Variants in PLPPR3 observed in about 807,000 individuals in gnomAD.
The protein encoded by PLPPR3 is phospholipid phosphatase-related protein type 3.
In PLPPR3, 14 loss-of-function variants were observed where a neutral mutation model predicts 27.3. The ratio of observed to expected loss-of-function variants is 0.51; its 90% CI spans 0.34 to 0.80. PLPPR3 has a LOEUF of 0.80. Ranked by LOEUF, PLPPR3 falls within the 30% of genes least tolerant of loss-of-function variation. The pLI, the probability that PLPPR3 is intolerant of heterozygous loss-of-function variation, is 0.01. For synonymous variants in PLPPR3, 671 were observed against 508.0 expected (o/e 1.32, Z -4.32); for missense variants, 1,287 against 1,056.9 (o/e 1.22, Z -3.02).
rs1265891077 is a variant in PLPPR3, at chr19:812,559, G to A, written c.*11C>T. The A allele has an allele frequency of 2.1e-5, 8 of 383,940 alleles. No individual in the cohort carries two copies. Among genetic ancestry groups the A allele is most frequent in the Admixed American group, 6.9e-5 (1 of 14,466 alleles). The allele number at this position is 383,940 out of a possible 1,614,324, so 23.8% of individuals were successfully genotyped here. A position where few individuals can be genotyped will look rare whatever the true frequency, so the allele number is the denominator to read the frequency against. Reference sequence around the variant, plus strand: ...TCGGCCCGCCCCCCGCCCGCCCCCGGCCCCGCCGCGCTAGTCGGGGAAGCG... The same window carrying A: ...TCGGCCCGCCCCCCGCCCGCCCCCGACCCCGCCGCGCTAGTCGGGGAAGCG... On this transcript the variant is annotated 3_prime_UTR_variant, in exon 8 of 8. Coordinates refer to ENST00000520876, the MANE Select transcript of PLPPR3 (RefSeq NM_001270366.2).
Position 821,496 on chromosome 19 carries a change from A to C in PLPPR3, c.64T>G (p.Tyr22Asp). 5.3e-6 allele frequency: 8 copies of C among 1,513,342 alleles called. No homozygotes were observed. Among genetic ancestry groups the C allele is most frequent in the Non-Finnish European group, 5.3e-6 (6 of 1,129,810 alleles). The allele number at this position is 1,513,342 out of a possible 1,614,324, so 93.7% of individuals were successfully genotyped here. A position where few individuals can be genotyped will look rare whatever the true frequency, so the allele number is the denominator to read the frequency against. Residue 22 changes from tyrosine (Y) to aspartate (D), a missense_variant, in exon 2 of 8, where the codon TAC (tyrosine) becomes GAC (aspartate). Coordinates refer to ENST00000520876, the MANE Select transcript of PLPPR3 (RefSeq NM_001270366.2). ...CGACCCCCACCCACCTCCACGAAGT[A>C]GAAGCAGGGCAGAAGCGTCATGCTG... ...KDSMTLLPCFYFVELPIVASS... is the reference protein window; with the variant it reads ...KDSMTLLPCFDFVELPIVASS...
intron 2 of PLPPR3, among the ~76,000 whole-genome samples, chr19:819,296 T>TTTTTTC (rs928213781): frequency 3.7e-5 from 5 of 136,000 alleles, no homozygotes; most frequent in African/African-American, 1.2e-4. Flanking sequence ...TTTTTTTTTT[T>TTTTTTC]CCGAGATGGA....
chr19:822,678 C>T (rs981342174), upstream of PLPPR3, among the ~76,000 whole-genome samples: 4 of 152,210 alleles, frequency 2.6e-5, no homozygotes, highest in South Asian at 2.1e-4. Context: ...CGGGCAGTGC[C>T]TGCTGTCTGC....
chr19:813,549 A>C lies in PLPPR3; in HGVS notation c.1178T>G (p.Met393Arg), dbSNP rs1167498838. ...PSLDDPARRH[M>R]TIHVPLDASR... Reference sequence around the variant, plus strand: ...GGCGTCCAGCGGCACGTGGATGGTCATGTGGCGGCGCGCGGGGTCGTCCAG... The same window carrying C: ...GGCGTCCAGCGGCACGTGGATGGTCCTGTGGCGGCGCGCGGGGTCGTCCAG... The change falls in exon 8 of 8, where the codon ATG becomes AGG. Residue 393 changes from methionine (M) to arginine (R), a missense_variant. Met to Arg is a moderately conservative substitution (Grantham distance 91). Coordinates refer to ENST00000520876, the MANE Select transcript of PLPPR3 (RefSeq NM_001270366.2). The surrounding 1 kb of genome is among the most constrained non-coding windows in gnomAD (Gnocchi z 4.1). 9.0e-6 allele frequency: 14 copies of C among 1,561,680 alleles called. No individual in the cohort carries two copies. The highest frequency in any genetic ancestry group is 1.2e-5 in the Non-Finnish European group (14 of 1,155,152).
At chr19:823,695 G>T (rs920617840), upstream of PLPPR3, among the ~76,000 whole-genome samples, 2 of 152,208 alleles carry the variant, frequency 1.3e-5, no homozygotes, top group Non-Finnish European at 2.9e-5. Flanking sequence ...TGGCCCCCCG[G>T]TTCCTGCAGG....
Position 813,228 on chromosome 19 carries a change from C to G in PLPPR3, c.1499G>C (p.Gly500Ala), listed in dbSNP as rs753244107. 1.0e-5 allele frequency: 15 copies of G among 1,486,680 alleles called. No homozygotes were observed. In the South Asian group the frequency reaches 1.9e-4, roughly 19 times the overall value. The allele number at this position is 1,486,680 out of a possible 1,614,324, so 92.1% of individuals were successfully genotyped here. ...GGACAGGCCGGCCCCCGTCTGCGCG[C>G]CCTCCTCCGGGATGTGCACCAGCGG... ...PPPLVHIPEE[G>A]AQTGAGLSPK... The change falls in exon 8 of 8, where the codon GGC becomes GCC. Residue 500 changes from glycine (G) to alanine (A), a missense_variant. Coordinates refer to ENST00000520876, the MANE Select transcript of PLPPR3 (RefSeq NM_001270366.2). This position sits in a 1 kb window ranked among gnomAD's most constrained non-coding sequence, Gnocchi z 4.1.
intron 2 of PLPPR3, among the ~76,000 whole-genome samples, chr19:821,120 G>A (rs1200353846): frequency 1.3e-5 from 2 of 152,092 alleles, no homozygotes; most frequent in Non-Finnish European, 2.9e-5. Context: ...CTCAGACCCT[G>A]AGGCTTCGGA....
chr19:815,121 C>T (rs1264783672), intron 4 of PLPPR3, 40 bp from the exon 5 acceptor site: 3 of 1,599,624 alleles, frequency 1.9e-6, no homozygotes, highest in African/African-American at 2.7e-5. Context: ...GAGCTGGGGA[C>T]CCGGGACAGC....
At position 813,029 on chromosome 19, in the gene PLPPR3, G is replaced by A. The variant is rs766248907; in HGVS notation, c.1698C>T (p.Ser566=). ...TASSSSASSD[S]SQYRSPSDRD... is the part of the protein sequence containing the mutation. ...GGTCCGACGGCGACCGGTACTGCGA[G>A]GAGTCGGAGCTGGCGCTGGACGACG... The change falls in exon 8 of 8, where the codon TCC becomes TCT. Residue 566 remains serine (S), a synonymous_variant. Transcript: ENST00000520876. This position sits in a 1 kb window ranked among gnomAD's most constrained non-coding sequence, Gnocchi z 4.1. 5 of 1,519,780 alleles carry A rather than the reference G, an allele frequency of 3.3e-6. No homozygotes were observed. Among genetic ancestry groups the A allele is most frequent in the Non-Finnish European group, 4.4e-6 (5 of 1,141,894 alleles). 94.1% of individuals were successfully genotyped at this position (1,519,780 alleles called of 1,614,324 possible). A position where few individuals can be genotyped will look rare whatever the true frequency, so the allele number is the denominator to read the frequency against.
In PLPPR3 at chr19:813,834, G is replaced by A. The variant is rs1218678172; in HGVS notation, c.893C>T (p.Pro298Leu). The A allele has an allele frequency of 3.4e-6, 5 of 1,479,218 alleles. No homozygotes were observed. In the Admixed American group the frequency reaches 7.6e-5, roughly 22 times the overall value. 91.6% of individuals were successfully genotyped at this position (1,479,218 alleles called of 1,614,324 possible). A position where few individuals can be genotyped will look rare whatever the true frequency, so the allele number is the denominator to read the frequency against. ...PPAEKPAAPA[P>L]AKDALRALTQ... ...CAGGGCCCGCAGCGCGTCCTTGGCGGGGGCCGGGGCCGCGGGCTTCTCTGC... is the reference window on the plus strand; with the variant it reads ...CAGGGCCCGCAGCGCGTCCTTGGCGAGGGCCGGGGCCGCGGGCTTCTCTGC... The change falls in exon 8 of 8, where the codon CCC (proline) becomes CTC (leucine). Residue 298 changes from proline (P) to leucine (L), a missense_variant. By Grantham distance (98) the Pro-to-Leu change is moderately conservative. Transcript: ENST00000520876. The surrounding 1 kb of genome is among the most constrained non-coding windows in gnomAD (Gnocchi z 4.1).
At chr19:823,471 G>A (rs937969419), upstream of PLPPR3, among the ~76,000 whole-genome samples, 50 of 113,828 alleles carry the variant, frequency 4.4e-4, no homozygotes, top group Non-Finnish European at 7.3e-4. Context: ...AACAAACAGT[G>A]ACTCCAGAGG....
chr19:813,359 T>TTCCTCC lies in PLPPR3; in HGVS notation c.1362_1367dup (p.Glu458_Glu459dup), dbSNP rs751140940. On this transcript the variant is annotated inframe_insertion, in exon 8 of 8. Transcript: ENST00000520876. The surrounding 1 kb of genome is among the most constrained non-coding windows in gnomAD (Gnocchi z 4.1). ...GGGCCGGGCCCTCGTCCTCCTCCTCTTCCTCCTCCTCCTCTTCCTCTTCGT... is the reference window on the plus strand; with the variant it reads ...GGGCCGGGCCCTCGTCCTCCTCCTCTTCCTCCTCCTCCTCCTCCTCTTCCTCTTCGT... 7 of 1,485,384 alleles carry TTCCTCC rather than the reference T, an allele frequency of 4.7e-6. No individual in the cohort carries two copies. Among genetic ancestry groups the TTCCTCC allele is most frequent in the Non-Finnish European group, 6.2e-6 (7 of 1,125,674 alleles). The allele number at this position is 1,485,384 out of a possible 1,614,324, so 92.0% of individuals were successfully genotyped here.
At chr19:818,349 C>T (rs2035093608) in intron 2 of PLPPR3, among the ~76,000 whole-genome samples, 1 of 151,800 alleles carries the variant, frequency 6.6e-6, no homozygotes, top group Non-Finnish European at 1.5e-5. Context: ...TTCCACTGCA[C>T]TCCAGCTTGG....
Position 815,005 on chromosome 19 carries a change from G to C in PLPPR3, c.480C>G (p.Pro160=), listed in dbSNP as rs147095421. Residue 160 remains proline (P), a synonymous_variant, in exon 5 of 8, where the codon CCC becomes CCG. Coordinates refer to ENST00000520876, the MANE Select transcript of PLPPR3 (RefSeq NM_001270366.2). ...TGGGCTTGCAGACGGTGAGGAAGAAGGGAGTGTGGTAACCCGTGGCCAGCT... is the reference window on the plus strand; with the variant it reads ...TGGGCTTGCAGACGGTGAGGAAGAACGGAGTGTGGTAACCCGTGGCCAGCT... ...VIQLATGYHT[P]FFLTVCKPNY... The C allele has an allele frequency of 1.3e-5, 21 of 1,611,932 alleles. No individual in the cohort carries two copies. The Middle Eastern group carries it at 4.9e-4, about 38-fold the overall frequency.
rs2035042735 is a variant in PLPPR3, at chr19:815,739, T to C, written c.188A>G (p.Tyr63Cys). 6.2e-7 allele frequency: 1 copy of C among 1,612,166 alleles called. No individual in the cohort carries two copies. The highest frequency in any genetic ancestry group is 8.5e-7 in the Non-Finnish European group (1 of 1,179,672). Residue 63 changes from tyrosine to cysteine, a missense_variant, in exon 3 of 8, where the codon TAC becomes TGC. By Grantham distance (194) the Tyr-to-Cys change is radical. Coordinates refer to ENST00000520876, the MANE Select transcript of PLPPR3 (RefSeq NM_001270366.2). ...GATGAGCTCCTCGTTGGTCTCCACGTAGGGCATGGAGAGAGTGCGGTCATA... is the reference window on the plus strand; with the variant it reads ...GATGAGCTCCTCGTTGGTCTCCACGCAGGGCATGGAGAGAGTGCGGTCATA... ...QCYDRTLSMP[Y>C]VETNEELIPL...
In PLPPR3 at chr19:815,831, G is replaced by A. The variant is rs1465344711; in HGVS notation, c.96C>T (p.Ser32=). 3.1e-6 allele frequency: 5 copies of A among 1,612,514 alleles called. No homozygotes were observed. Among genetic ancestry groups the A allele is most frequent in the Middle Eastern group, 1.6e-4 (1 of 6,080 alleles). The part of the protein sequence containing the change: ...YFVELPIVAS[S]IVSLYFLELT... Reference sequence around the variant, plus strand: ...GCTCCAGGAAGTACAAGGATACGATGGAAGAAGCCACTATGGGCAGCTGTG... The same window carrying A: ...GCTCCAGGAAGTACAAGGATACGATAGAAGAAGCCACTATGGGCAGCTGTG... Residue 32 remains serine (S), a synonymous_variant, in exon 3 of 8, where the codon TCC becomes TCT. Transcript: ENST00000520876.
chr19:812,490 G>A lies in PLPPR3; in HGVS notation c.*80C>T, dbSNP rs1478529360. 9.3e-6 allele frequency: 9 copies of A among 971,950 alleles called. No homozygotes were observed. The highest frequency in any genetic ancestry group is 6.1e-5 in the Admixed American group (1 of 16,340). The allele number at this position is 971,950 out of a possible 1,614,324, so 60.2% of individuals were successfully genotyped here. On this transcript the variant is annotated 3_prime_UTR_variant, in exon 8 of 8. Coordinates refer to ENST00000520876, the MANE Select transcript of PLPPR3 (RefSeq NM_001270366.2). ...AGCGAATGACCAAGAGCCGGACCTC[G>A]GTTTCTGCCGCTTTATTGAGCATCC...
rs758748272 is a variant in PLPPR3, at chr19:813,231, T to A, written c.1496A>T (p.Glu499Val). Residue 499 changes from glutamate (E) to valine (V), a missense_variant, in exon 8 of 8, where the codon GAG becomes GTG. Glu to Val is a moderately radical substitution (Grantham distance 121). Coordinates refer to ENST00000520876, the MANE Select transcript of PLPPR3 (RefSeq NM_001270366.2). The surrounding 1 kb of genome is among the most constrained non-coding windows in gnomAD (Gnocchi z 4.1). ...GPPPLVHIPEEGAQTGAGLSP... is the reference protein window; with the variant it reads ...GPPPLVHIPEVGAQTGAGLSP... The stretch of plus-strand genomic sequence containing the variant: ...CAGGCCGGCCCCCGTCTGCGCGCCC[T>A]CCTCCGGGATGTGCACCAGCGGCGG... 1 of 1,483,942 alleles carries A rather than the reference T, an allele frequency of 6.7e-7. No individual in the cohort carries two copies. Among genetic ancestry groups the A allele is most frequent in the Admixed American group, 2.4e-5 (1 of 41,078 alleles). 91.9% of individuals were successfully genotyped at this position (1,483,942 alleles called of 1,614,324 possible).
intron 5 of PLPPR3, 33 bp downstream of exon 5, chr19:814,853 C>T (rs1435795917): frequency 3.1e-6 from 5 of 1,596,986 alleles, no homozygotes; most frequent in African/African-American, 1.3e-5. Context: ...CGGAAGAAGG[C>T]TCCCAGTCAG....
Sources: gnomAD v4.1 joint callset for allele counts (sites outside exome capture counted in the v4.1 genomes callset) on GRCh38, gnomAD v4.1.1 for gene constraint, Gnocchi (gnomAD v3.1) non-coding constraint, MANE v1.5 for transcripts, NCBI Gene and HGNC (gene_info 2026-07-23, HGNC 2026-07-21) for gene names.